Variants in ADGRL3 observed in about 807,000 individuals in gnomAD.
The protein encoded by ADGRL3 is calcium-independent alpha-latrotoxin receptor 3.
A neutral mutation model predicts 153.5 loss-of-function variants in ADGRL3; 62 were observed. The ratio of observed to expected loss-of-function variants is 0.40; its 90% CI spans 0.33 to 0.50. The LOEUF is 0.50. ADGRL3 is among the 20% of genes least tolerant of loss of function. The pLI is 0.47. For missense variants in ADGRL3, 1,641 were observed against 1,859.4 expected, an observed-to-expected ratio of 0.88 and a Z score of 2.16; for synonymous variants, 710 against 672.5, an observed-to-expected ratio of 1.06 and a Z score of -0.86.
At chr4:61,816,707 T>C (rs1164465344) in intron 9 of ADGRL3, among the ~76,000 whole-genome samples, 1 of 152,204 alleles carries the variant, frequency 6.6e-6, no homozygotes, top group East Asian at 1.9e-4. Flanking sequence ...CCAAGTGACC[T>C]GTCTGGAACA....
intron 2 of ADGRL3, among the ~76,000 whole-genome samples, chr4:61,411,466 A>G (rs2097086952): frequency 6.6e-6 from 1 of 152,184 alleles, no homozygotes; most frequent in South Asian, 2.1e-4. Flanking sequence ...TCCCTCCTCC[A>G]TAGATATTAT....
intron 2 of ADGRL3, among the ~76,000 whole-genome samples, chr4:61,391,119 T>A (rs1042992395): frequency 9.8e-5 from 15 of 152,326 alleles, no homozygotes; most frequent in Non-Finnish European, 1.0e-4. Context: ...TATAAAATAC[T>A]GCTAGTACAA....
intron 4 of ADGRL3, among the ~76,000 whole-genome samples, chr4:61,554,348 CACGTCTAGCTAATTTTTT>C (rs1262258051): frequency 6.6e-6 from 1 of 151,860 alleles, no homozygotes; most frequent in Non-Finnish European, 1.5e-5. Context: ...CGCGTGCCAC[CACGTCTAGCTAATTTTTT>C]TGTATTTTTA....
intron 6 of ADGRL3, among the ~76,000 whole-genome samples, chr4:61,727,381 A>G (rs1482758118): frequency 6.6e-6 from 1 of 152,186 alleles, no homozygotes; most frequent in East Asian, 1.9e-4. Flanking sequence ...CACAGTAAAA[A>G]TAGTTTGGAA....
chr4:61,990,661 G>T (rs2099100557), intron 19 of ADGRL3, among the ~76,000 whole-genome samples: 1 of 151,846 alleles, frequency 6.6e-6, no homozygotes, highest in African/African-American at 2.4e-5. Flanking sequence ...CTTGAGACCT[G>T]TTTCAGTAAT....
chr4:61,300,767 TC>T (rs11312605), intron 1 of ADGRL3, among the ~76,000 whole-genome samples: 70,793 of 127,896 alleles, frequency 0.55, 18,582 homozygotes, highest in East Asian at 0.78. Flanking sequence ...TTTCTTTCTT[TC>T]TTTTTTTTTT....
intron 5 of ADGRL3, among the ~76,000 whole-genome samples, chr4:61,601,037 C>T (rs1322525333): frequency 6.6e-6 from 1 of 151,952 alleles, no homozygotes; most frequent in Non-Finnish European, 1.5e-5. Flanking sequence ...TTAAGGATTC[C>T]AGGACATCAA....
intron 9 of ADGRL3, among the ~76,000 whole-genome samples, chr4:61,887,643 G>A (rs985531047): frequency 1.3e-5 from 2 of 152,196 alleles, no homozygotes; most frequent in East Asian, 1.9e-4. Flanking sequence ...TCAAGAGATC[G>A]AGACCATCCT....
intron 5 of ADGRL3, among the ~76,000 whole-genome samples, chr4:61,642,590 A>C (rs1304164908): frequency 6.6e-6 from 1 of 152,112 alleles, no homozygotes; most frequent in Non-Finnish European, 1.5e-5. Context: ...CAAATATCAG[A>C]TAGTTGTAGA....
chr4:61,768,394 C>T (rs189339288), intron 8 of ADGRL3, among the ~76,000 whole-genome samples: 18 of 151,728 alleles, frequency 1.2e-4, no homozygotes, highest in African/African-American at 2.9e-4. Flanking sequence ...GACTCAGCGA[C>T]GCTTGGGGTC....
intron 1 of ADGRL3, among the ~76,000 whole-genome samples, chr4:61,248,762 A>C (rs543618548): frequency 2.6e-4 from 39 of 152,180 alleles, no homozygotes; most frequent in Non-Finnish European, 4.4e-4. Context: ...TGAAATGTTC[A>C]GAGTGCTGGA....
At chr4:61,317,073 G>A (rs953811085) in intron 1 of ADGRL3, among the ~76,000 whole-genome samples, 1 of 152,084 alleles carries the variant, frequency 6.6e-6, no homozygotes, top group Non-Finnish European at 1.5e-5. Context: ...TATCTAGAAA[G>A]GTATAAGAGA....
At chr4:61,965,748 C>A (rs1409323429) in intron 17 of ADGRL3, among the ~76,000 whole-genome samples, 5 of 151,524 alleles carry the variant, frequency 3.3e-5, no homozygotes, top group Non-Finnish European at 7.4e-5. Flanking sequence ...AAGACTCCGA[C>A]TCACAAAAAG....
At chr4:61,440,313 G>T (rs2097512860) in intron 2 of ADGRL3, among the ~76,000 whole-genome samples, 1 of 152,192 alleles carries the variant, frequency 6.6e-6, no homozygotes, top group Non-Finnish European at 1.5e-5. Flanking sequence ...CTCCCAAAGT[G>T]CTGGGATTAC....
chr4:61,269,026 G>C (rs1349612530), intron 1 of ADGRL3, among the ~76,000 whole-genome samples: 1 of 151,606 alleles, frequency 6.6e-6, no homozygotes, highest in African/African-American at 2.4e-5. Flanking sequence ...AAAAATTCTT[G>C]TTAGGTCAGA....
chr4:61,321,185 C>T (rs2095347984), intron 1 of ADGRL3, among the ~76,000 whole-genome samples: 2 of 152,130 alleles, frequency 1.3e-5, no homozygotes, highest in African/African-American at 4.8e-5. Context: ...AAGCTCTGAG[C>T]TTTAGGGCAT....
intron 9 of ADGRL3, among the ~76,000 whole-genome samples, chr4:61,888,572 C>G (rs184855511): frequency 8.5e-5 from 13 of 152,244 alleles, no homozygotes; most frequent in African/African-American, 2.6e-4. Context: ...ACAGAGCCTG[C>G]GGTAGTCTTA....
In ADGRL3 at chr4:61,631,818, G is replaced by A. The variant is rs576328495; in HGVS notation, c.473+44378G>A. On this transcript the variant is annotated intron_variant, in intron 5 of 26. Transcript: ENST00000683033. The stretch of plus-strand genomic sequence containing the variant: ...CTTTTTTTGTATTTTTAGTAGAGAC[G>A]GGGTTTCACCGTGTTAGCCAGGATG... Among the ~76,000 whole-genome samples, 12 of 149,580 alleles carry A rather than the reference G, an allele frequency of 8.0e-5. No homozygotes were observed. In the East Asian group the frequency reaches 1.2e-3, roughly 15 times the overall value.
chr4:61,473,481 T>C (rs1042926281), intron 2 of ADGRL3, among the ~76,000 whole-genome samples: 15 of 152,030 alleles, frequency 9.9e-5, no homozygotes, highest in Admixed American at 6.6e-5. Flanking sequence ...ACTCCCTGAA[T>C]AGAACATGGA....
Sources: gnomAD v4.1 joint callset for allele counts (sites outside exome capture counted in the v4.1 genomes callset) on GRCh38, gnomAD v4.1.1 for gene constraint, MANE v1.5 for transcripts, NCBI Gene and HGNC (gene_info 2026-07-23, HGNC 2026-07-21) for gene names.